TMEM278: variants seen among roughly 807,000 people sequenced by gnomAD.
The protein encoded by TMEM278 is transmembrane protein 278.
chr1:1,429,681 T>G, the TMEM278 span, among the ~76,000 whole-genome samples: 1 of 152,166 alleles, frequency 6.6e-6, no homozygotes, highest in African/African-American at 2.4e-5. Flanking sequence ...ATTCCCCTTT[T>G]CCAGGCGAGA....
At chr1:1,426,158 G>T in the TMEM278 span, 16 of 1,414,422 alleles carry the variant, frequency 1.1e-5, no homozygotes, top group Non-Finnish European at 1.4e-5. Context: ...GACGGAGGAG[G>T]AGGAGGGGGG....
At chr1:1,428,329 A>C in the TMEM278 span, among the ~76,000 whole-genome samples, 1 of 151,906 alleles carries the variant, frequency 6.6e-6, no homozygotes, top group Non-Finnish European at 1.5e-5. Flanking sequence ...CAGGGGAGAC[A>C]CCCACGCTCG....
At chr1:1,428,477 C>A in the TMEM278 span, among the ~76,000 whole-genome samples, 1 of 152,148 alleles carries the variant, frequency 6.6e-6, no homozygotes, top group East Asian at 1.9e-4. Context: ...CTTTGGTGTT[C>A]CTTGGTCTCA....
chr1:1,426,831 C>T, the TMEM278 span, among the ~76,000 whole-genome samples: 2 of 152,088 alleles, frequency 1.3e-5, no homozygotes, highest in Non-Finnish European at 2.9e-5. Context: ...GGGCCCCTTT[C>T]TGCTGGCACG....
chr1:1,427,336 C>T, the TMEM278 span, among the ~76,000 whole-genome samples: 2 of 142,132 alleles, frequency 1.4e-5, no homozygotes, highest in South Asian at 2.3e-4. Context: ...CCGCGCCTCC[C>T]CTTCCCCTCC....
chr1:1,427,627 G>A, the TMEM278 span: 42 of 1,338,986 alleles, frequency 3.1e-5, no homozygotes, highest in Non-Finnish European at 3.9e-5. Context: ...ATCGTGTTCG[G>A]GCTTCTCTCG....
chr1:1,426,204 G>A, the TMEM278 span: 31 of 1,414,236 alleles, frequency 2.2e-5, no homozygotes, highest in South Asian at 6.1e-5. Context: ...ATGCTGCCCC[G>A]GGGACCTCCC....
At chr1:1,427,544 C>CG in the TMEM278 span, 1 of 1,086,118 alleles carries the variant, frequency 9.2e-7, no homozygotes, top group Non-Finnish European at 1.1e-6. Flanking sequence ...ACGGCCCGCC[C>CG]GGCCCCCAGG....
chr1:1,427,607 CGCGGCGCT>C, the TMEM278 span: 1 of 1,305,708 alleles, frequency 7.7e-7, no homozygotes, highest in Non-Finnish European at 9.7e-7. Context: ...ACCGCGGCTC[CGCGGCGCT>C]CATCGTGTTC....
chr1:1,426,773 G>A, the TMEM278 span, among the ~76,000 whole-genome samples: 5 of 151,982 alleles, frequency 3.3e-5, no homozygotes, highest in South Asian at 1.0e-3. Flanking sequence ...TCCTGCCAGC[G>A]TGGGGCTTCC....
At chr1:1,426,143 A>T in the TMEM278 span, 1 of 1,408,338 alleles carries the variant, frequency 7.1e-7, no homozygotes, top group Non-Finnish European at 9.3e-7. Flanking sequence ...TGAGCAGGGG[A>T]GGGAGACGGA....
the TMEM278 span, chr1:1,426,214 C>T: frequency 1.5e-5 from 21 of 1,413,778 alleles, no homozygotes; most frequent in Admixed American, 3.3e-4. Flanking sequence ...GGGGACCTCC[C>T]GACCACCAGG....
chr1:1,427,752 C>A, the TMEM278 span: 1 of 1,315,338 alleles, frequency 7.6e-7, no homozygotes, highest in Non-Finnish European at 9.7e-7. Context: ...CCCGGGGCGC[C>A]CCGACGAGGA....
the TMEM278 span, chr1:1,427,529 C>G: frequency 1.0e-6 from 1 of 998,956 alleles, no homozygotes; most frequent in East Asian, 4.3e-5. Context: ...CCCCGCCCCC[C>G]ACTGACGGCC....
the TMEM278 span, among the ~76,000 whole-genome samples, chr1:1,427,957 C>T: frequency 1.1e-5 from 1 of 88,968 alleles, no homozygotes; most frequent in Non-Finnish European, 2.3e-5. Context: ...GCCCCCGCCA[C>T]GGAGGGCAGG....
chr1:1,426,314 G>A, the TMEM278 span: 35 of 1,481,276 alleles, frequency 2.4e-5, no homozygotes, highest in Non-Finnish European at 2.9e-5. Context: ...CCTGCTGCCC[G>A]CCGCAGCCTT....
chr1:1,426,153 A>T, the TMEM278 span: 10 of 1,377,600 alleles, frequency 7.3e-6, no homozygotes, highest in South Asian at 5.1e-5. Context: ...AGGGAGACGG[A>T]GGAGGAGGAG....
chr1:1,426,388 G>A, the TMEM278 span: 1 of 1,392,190 alleles, frequency 7.2e-7, no homozygotes, highest in Non-Finnish European at 9.3e-7. Flanking sequence ...ACTCGAGGGT[G>A]AGCCTGTGCC....
the TMEM278 span, among the ~76,000 whole-genome samples, chr1:1,426,815 G>C: frequency 6.6e-6 from 1 of 152,018 alleles, no homozygotes; most frequent in African/African-American, 2.4e-5. Flanking sequence ...GCCTGCTCTG[G>C]GCCCCGGGCC....
Sources: allele counts gnomAD v4.1 joint callset (sites outside exome capture counted in the v4.1 genomes callset), GRCh38; gene constraint gnomAD v4.1.1; transcripts MANE v1.5; gene names NCBI Gene and HGNC (gene_info 2026-07-23, HGNC 2026-07-21).